Variants in PDE10A observed in about 807,000 individuals in gnomAD.
The protein encoded by PDE10A is cAMP and cAMP-inhibited cGMP 3',5'-cyclic phosphodiesterase 10A.
Under a neutral mutation model 97.7 loss-of-function variants are expected in PDE10A, and 39 were observed. The ratio of observed to expected loss-of-function variants is 0.40; its 90% CI spans 0.31 to 0.52. PDE10A has a LOEUF of 0.52. PDE10A is among the 20% of genes least tolerant of loss of function. The probability of loss-of-function intolerance (pLI) is 0.56; values close to 1 mark genes in which losing one functional copy is unlikely to be tolerated. For missense variants in PDE10A, 731 were observed against 1,047.8 expected (o/e 0.70, Z 4.17); for synonymous variants, 371 against 376.8 (o/e 0.98, Z 0.18).
intron 2 of PDE10A, among the ~76,000 whole-genome samples, chr6:165,516,542 CAG>C (rs1266176762): frequency 6.6e-6 from 1 of 152,144 alleles, no homozygotes; most frequent in Non-Finnish European, 1.5e-5. Context: ...ATTTGCCTAA[CAG>C]AACAAAAGCC....
At chr6:165,873,903 C>T (rs1001584051) in intron 1 of PDE10A, among the ~76,000 whole-genome samples, 4 of 152,200 alleles carry the variant, frequency 2.6e-5, no homozygotes, top group East Asian at 1.9e-4. Context: ...AGTATGTACA[C>T]GTTTTAAGAC....
At position 165,662,066 on chromosome 6, in the gene PDE10A, T is replaced by G. The variant is rs1790298302; in HGVS notation, c.746A>C (p.Gln249Pro). 1 of 1,399,526 alleles carries G rather than the reference T, an allele frequency of 7.1e-7. No individual in the cohort carries two copies. Among genetic ancestry groups the G allele is most frequent in the Non-Finnish European group, 9.4e-7 (1 of 1,062,964 alleles). The allele number at this position is 1,399,526 out of a possible 1,614,324, so 86.7% of individuals were successfully genotyped here. ...GGCGGCGAGGGCGAAGCTGGCGCCCTGGGGACGCCGCGGAGTTTGGCCGCC... is the reference window on the plus strand; with the variant it reads ...GGCGGCGAGGGCGAAGCTGGCGCCCGGGGGACGCCGCGGAGTTTGGCCGCC... ...GGGGQTPRRP[Q>P]GASFALAAAA... The change falls in exon 1 of 22, where the codon CAG (glutamine) becomes CCG (proline). Residue 249 changes from glutamine (Q) to proline (P), a missense_variant. Around this residue, in one of 8 missense-constraint regions of PDE10A, gnomAD observed 181 missense variants for 159.1 expected, o/e 1.14. Transcript: ENST00000539869.
In PDE10A at chr6:165,535,602, C is replaced by T. The variant is rs189969348; in HGVS notation, c.994+7838G>A. On this transcript the variant is annotated intron_variant, in intron 2 of 21. Transcript: ENST00000539869. ...GTATTCTATGGGGTGTGTGTGTGCG[C>T]GTGTGTGTGTGTGTGTGTACACACA... is the stretch of plus-strand genomic sequence containing the variant. 5.4e-3 allele frequency among the ~76,000 whole-genome samples: 798 copies of T among 148,916 alleles called. 5 individuals are homozygous for T. The highest frequency in any genetic ancestry group is 0.018 in the African/African-American group (721 of 40,880).
chr6:165,782,234 C>T (rs1778359719), intron 1 of PDE10A, among the ~76,000 whole-genome samples: 1 of 152,226 alleles, frequency 6.6e-6, no homozygotes, highest in Non-Finnish European at 1.5e-5. Flanking sequence ...TAATTGTCCT[C>T]TGGGATTTTA....
At chr6:165,801,613 A>C (rs538842273) in intron 1 of PDE10A, among the ~76,000 whole-genome samples, 2 of 152,358 alleles carry the variant, frequency 1.3e-5, no homozygotes, top group Admixed American at 1.3e-4. Context: ...TTATTAGGAC[A>C]TGTTAATTGT....
chr6:165,745,505 A>T (rs1201619141), intron 1 of PDE10A, among the ~76,000 whole-genome samples: 1 of 152,216 alleles, frequency 6.6e-6, no homozygotes, highest in Admixed American at 6.5e-5. Context: ...CCATCGACTT[A>T]ACTGAAAAAA....
chr6:165,396,251 G>C, intron 14 of PDE10A, 66 bp downstream of exon 14: 3 of 1,433,358 alleles, frequency 2.1e-6, no homozygotes, highest in Non-Finnish European at 2.9e-6. Context: ...TCTATAATCT[G>C]TCTCACTTTA....
rs375839208 is a variant in PDE10A, at chr6:165,343,424, C to T, written c.2862G>A (p.Thr954=). ...VTKLWPVTKL[T]ANDIYAEFWA... The stretch of plus-strand genomic sequence containing the variant: ...AGAATTCTGCATATATATCATTTGC[C>T]GTCAATTTTGTAACGGGCCACAGTT... The change falls in exon 19 of 22, where the codon ACG becomes ACA. Residue 954 remains threonine, a synonymous_variant. Coordinates refer to ENST00000539869, the MANE Select transcript of PDE10A (RefSeq NM_001385079.1). The T allele has an allele frequency of 2.0e-5, 32 of 1,613,672 alleles. No individual in the cohort carries two copies. Among genetic ancestry groups the T allele is most frequent in the African/African-American group, 2.7e-5 (2 of 74,870 alleles).
chr6:165,404,788 G>T (rs1051829120), intron 13 of PDE10A, among the ~76,000 whole-genome samples: 2 of 152,082 alleles, frequency 1.3e-5, no homozygotes, highest in African/African-American at 4.8e-5. Flanking sequence ...TACAGCATTT[G>T]GTATGTGACT....
Position 165,343,403 on chromosome 6 carries a change from T to C in PDE10A, c.2883A>G (p.Glu961=). ...ATCAAGGACATACCTCAGCCCAGAA[T>C]TCTGCATATATATCATTTGCCGTCA... ...TKLTANDIYA[E]FWAEGDEMKK... Residue 961 remains glutamate (E), a synonymous_variant, in exon 19 of 22, where the codon GAA becomes GAG. Transcript: ENST00000539869. The C allele has an allele frequency of 6.2e-7, 1 of 1,611,722 alleles. No homozygotes were observed. Among genetic ancestry groups the C allele is most frequent in the Non-Finnish European group, 8.5e-7 (1 of 1,177,842 alleles).
intron 1 of PDE10A, among the ~76,000 whole-genome samples, chr6:165,918,386 C>T (rs1032038614): frequency 2.0e-5 from 3 of 152,128 alleles, no homozygotes; most frequent in East Asian, 3.8e-4. Flanking sequence ...GCCTTATTTT[C>T]AAACCAGAAC....
chr6:165,746,606 G>GT (rs1249525716), intron 1 of PDE10A, among the ~76,000 whole-genome samples: 1 of 152,226 alleles, frequency 6.6e-6, no homozygotes, highest in Non-Finnish European at 1.5e-5. Flanking sequence ...TCCATTCATG[G>GT]TCCCTGGGTG....
At chr6:165,893,313 G>A (rs564037177) in intron 1 of PDE10A, among the ~76,000 whole-genome samples, 30 of 152,266 alleles carry the variant, frequency 2.0e-4, no homozygotes, top group African/African-American at 7.2e-4. Context: ...ATTAAATTTA[G>A]TTGCTTGGCT....
intron 1 of PDE10A, among the ~76,000 whole-genome samples, chr6:165,571,322 G>T (rs1785039234): frequency 6.6e-6 from 1 of 152,096 alleles, no homozygotes; most frequent in South Asian, 2.1e-4. Context: ...TGAAAATACT[G>T]GAGAAGCAAA....
chr6:165,530,298 T>C (rs2322934), intron 2 of PDE10A, among the ~76,000 whole-genome samples: 14 of 141,078 alleles, frequency 9.9e-5, no homozygotes, highest in Non-Finnish European at 1.4e-4. Context: ...TGTGTGTGTG[T>C]ACACACACAC....
At chr6:165,351,778 G>C (rs1007931657) in intron 18 of PDE10A, among the ~76,000 whole-genome samples, 1 of 152,194 alleles carries the variant, frequency 6.6e-6, no homozygotes, top group Admixed American at 6.5e-5. Context: ...AGCTGAGATT[G>C]ATCGAGGCAA....
In PDE10A at chr6:165,590,179, G is replaced by T. The variant is rs551157364; in HGVS notation, c.866-46611C>A. Among the ~76,000 whole-genome samples, 3 of 152,282 alleles carry T rather than the reference G, an allele frequency of 2.0e-5. No individual in the cohort carries two copies. In the South Asian group the frequency reaches 6.2e-4, roughly 32 times the overall value. ...TTCCGGGATAGAATCTAGAGGGCAG[G>T]TTATACTGATTTACAAGAAAGTAGT... On this transcript the variant is annotated intron_variant, in intron 1 of 21. Transcript: ENST00000539869.
Position 165,943,346 on chromosome 6 carries a change from G to GAAAGAAAGAAAGAAAGAA in PDE10A, c.-615+44182_-615+44183insTTCTTTCTTTCTTTCTTT, listed in dbSNP as rs369730730. 4.9e-4 allele frequency among the ~76,000 whole-genome samples: 39 copies of GAAAGAAAGAAAGAAAGAA among 79,574 alleles called. 2 individuals are homozygous for GAAAGAAAGAAAGAAAGAA. The highest frequency in any genetic ancestry group is 2.0e-3 in the South Asian group (5 of 2,536). 52.2% of individuals were successfully genotyped at this position (79,574 alleles called of 152,430 possible). A position where few individuals can be genotyped will look rare whatever the true frequency, so the allele number is the denominator to read the frequency against. ...AAGAAAGAAAAAGAAAGAAAGAAAA[G>GAAAGAAAGAAAGAAAGAA]AGAAAGAAAGAAAGAGAAAGAAAGA... On this transcript the variant is annotated intron_variant, in intron 1 of 19. Transcript: ENST00000366882.
intron 1 of PDE10A, among the ~76,000 whole-genome samples, chr6:165,874,378 A>AG (rs960761598): frequency 4.9e-5 from 3 of 60,836 alleles, no homozygotes; most frequent in Non-Finnish European, 1.0e-4. Context: ...GCATTAGAAA[A>AG]AAAAAATTTA....
Sources: allele counts gnomAD v4.1 joint callset (sites outside exome capture counted in the v4.1 genomes callset), GRCh38; gene constraint gnomAD v4.1.1; regional missense constraint gnomAD v4.1.1; transcripts MANE v1.5; gene names NCBI Gene and HGNC (gene_info 2026-07-23, HGNC 2026-07-21).